Variants in GPC3 observed in about 807,000 individuals in gnomAD.
GPC3 encodes the protein glypican 3, also known as glypican-3.
GPC3 carries 3 observed loss-of-function variants against 34.4 expected under a neutral mutation model. The ratio of observed to expected loss-of-function variants is 0.09; its 90% confidence interval spans 0.04 to 0.23. The LOEUF (loss-of-function observed/expected upper bound fraction) is 0.23. GPC3 is among the 10% of genes least tolerant of loss of function. GPC3 has a pLI of 1.00. For synonymous variants in GPC3, 177 were observed against 174.0 expected (o/e 1.02, Z -0.13); for missense variants, 351 against 445.6 (o/e 0.79, Z 1.91).
chrX:133,744,129 A>AC (rs2071589390), intron 3 of GPC3, among the ~76,000 whole-genome samples: 1 of 112,200 alleles, frequency 8.9e-6, no homozygotes, highest in South Asian at 3.7e-4. Flanking sequence ...TAAAACACCA[A>AC]AAGCAATGAC....
At chrX:133,943,844 G>T (rs2076355460) in intron 2 of GPC3, among the ~76,000 whole-genome samples, 1 of 111,684 alleles carries the variant, frequency 9.0e-6, no homozygotes, top group Non-Finnish European at 1.9e-5. Flanking sequence ...GAGTTATGGG[G>T]CCAGAAGCTG....
At chrX:133,782,167 A>G (rs977243359) in intron 2 of GPC3, among the ~76,000 whole-genome samples, 10 of 111,399 alleles carry the variant, frequency 9.0e-5, no homozygotes, top group African/African-American at 2.6e-4. Flanking sequence ...TGTGGGAGAC[A>G]GAGTGCTAAC....
intron 7 of GPC3, among the ~76,000 whole-genome samples, chrX:133,567,441 G>C (rs182784503): frequency 8.9e-6 from 1 of 112,100 alleles, no homozygotes; most frequent in African/African-American, 3.2e-5. Context: ...GAATATTAAA[G>C]AGCTGCATAT....
chrX:133,641,459 G>T (rs1335770205), intron 6 of GPC3, among the ~76,000 whole-genome samples: 1 of 109,339 alleles, frequency 9.1e-6, no homozygotes, highest in African/African-American at 3.3e-5. Context: ...CTGGGTGACA[G>T]AGCAAGACTG....
intron 2 of GPC3, among the ~76,000 whole-genome samples, chrX:133,864,327 C>T (rs1158146700): frequency 8.9e-6 from 1 of 111,865 alleles, no homozygotes; most frequent in Non-Finnish European, 1.9e-5. Flanking sequence ...TCCCATTTCA[C>T]AGGGATTGAC....
chrX:133,814,134 G>C (rs1263230207), intron 2 of GPC3, among the ~76,000 whole-genome samples: 1 of 111,247 alleles, frequency 9.0e-6, no homozygotes, highest in Non-Finnish European at 1.9e-5. Context: ...TTCGGATGTC[G>C]AGGTCACTGG....
chrX:133,623,251 A>G (rs1032781896), intron 6 of GPC3, among the ~76,000 whole-genome samples: 4 of 112,223 alleles, frequency 3.6e-5, no homozygotes, highest in Non-Finnish European at 7.5e-5. Flanking sequence ...AACTGCATCA[A>G]CTAACGAGCA....
At chrX:133,585,299 G>A (rs1425115958) in intron 7 of GPC3, among the ~76,000 whole-genome samples, 1 of 111,614 alleles carries the variant, frequency 9.0e-6, no homozygotes, top group Non-Finnish European at 1.9e-5. Flanking sequence ...CTTATGGAAA[G>A]TCAACAATTG....
intron 2 of GPC3, among the ~76,000 whole-genome samples, chrX:133,914,701 A>C (rs888344678): frequency 9.1e-6 from 1 of 110,062 alleles, no homozygotes; most frequent in Non-Finnish European, 1.9e-5. Flanking sequence ...TATAGTTAGC[A>C]CTTAGTTAAC....
rs763610753 is a variant in GPC3 at position 133,611,548 on chromosome X, G to A, written c.1414-14949C>T. Among the ~76,000 whole-genome samples, 5 of 111,895 alleles carry A rather than the reference G, an allele frequency of 4.5e-5. No individual in the cohort carries two copies. The South Asian group carries it at 1.5e-3, about 34-fold the overall frequency. ...TATTCCCAAATAATTCCAGTTGAAA[G>A]CATCTTAGGCTTAATCATACTAAAA... On this transcript the variant is annotated intron_variant, in intron 6 of 7. Coordinates refer to ENST00000370818, the MANE Select transcript of GPC3 (RefSeq NM_004484.4).
intron 2 of GPC3, among the ~76,000 whole-genome samples, chrX:133,933,192 A>G (rs757265445): frequency 9.0e-6 from 1 of 110,993 alleles, no homozygotes; most frequent in African/African-American, 3.3e-5. Flanking sequence ...TACAGAGATG[A>G]ACTCAAAACG....
intron 2 of GPC3, among the ~76,000 whole-genome samples, chrX:133,841,867 G>A (rs1357163789): frequency 1.8e-5 from 2 of 111,948 alleles, no homozygotes; most frequent in Non-Finnish European, 3.8e-5. Flanking sequence ...GATGGGCCTG[G>A]CCTCCCAGTC....
rs187180786 is a variant in GPC3 at position 133,794,527 on chromosome X, G to C, written c.338-40351C>G. 6.3e-5 allele frequency among the ~76,000 whole-genome samples: 7 copies of C among 111,938 alleles called. No homozygotes were observed. The Admixed American group carries it at 6.6e-4, about 11-fold the overall frequency. On this transcript the variant is annotated intron_variant, in intron 2 of 7. Transcript: ENST00000370818. ...CACACATTTGGCTTTGGGTGGGGGG[G>C]CACTATTTGTGCCTTTTAGGTTCTC...
chrX:133,745,173 T>C (rs2071601958), intron 3 of GPC3, among the ~76,000 whole-genome samples: 1 of 111,954 alleles, frequency 8.9e-6, no homozygotes, highest in Admixed American at 9.5e-5. Flanking sequence ...AAAAAAGGCA[T>C]TGTTGGCTCC....
rs748152935 is a variant in GPC3 at position 133,985,416 on chromosome X, C to G, written c.34G>C (p.Val12Leu). 2.5e-6 allele frequency: 3 copies of G among 1,180,529 alleles called. No individual in the cohort carries two copies. Among genetic ancestry groups the G allele is most frequent in the Non-Finnish European group, 3.4e-6 (3 of 880,264 alleles). ...AGTVRTACLV[V>L]AMLLSLDFPG... The stretch of plus-strand genomic sequence containing the variant: ...AAGTCCAAGCTGAGCAGCATCGCCA[C>G]CACCAAGCACGCGGTGCGCACGGTC... Residue 12 changes from valine (V) to leucine (L), a missense_variant, in exon 1 of 8, where the codon GTG (valine) becomes CTG (leucine). Transcript: ENST00000370818.
At chrX:133,741,333 T>C (rs995452721) in intron 3 of GPC3, among the ~76,000 whole-genome samples, 2 of 100,234 alleles carry the variant, frequency 2.0e-5, no homozygotes, top group African/African-American at 7.3e-5. Flanking sequence ...TTAATACAAA[T>C]ATGAAGAAAA....
intron 5 of GPC3, 30 bp from the exon 6 acceptor site, chrX:133,661,880 G>C: frequency 8.4e-7 from 1 of 1,195,920 alleles, no homozygotes; most frequent in Non-Finnish European, 1.1e-6. Flanking sequence ...GAAAAGGTTT[G>C]TCAAAGAAAG....
At chrX:133,550,367 C>A (rs1160018523) in intron 7 of GPC3, among the ~76,000 whole-genome samples, 1 of 111,223 alleles carries the variant, frequency 9.0e-6, no homozygotes, top group East Asian at 2.8e-4. Context: ...TTCCAGGAAG[C>A]CTTCCCTTCT....
intron 2 of GPC3, among the ~76,000 whole-genome samples, chrX:133,843,759 C>A (rs1159369158): frequency 9.0e-6 from 1 of 111,295 alleles, no homozygotes; most frequent in East Asian, 2.8e-4. Context: ...CAAATGGTTA[C>A]CTCTCATGAA....
Sources: gnomAD v4.1 joint callset for allele counts (sites outside exome capture counted in the v4.1 genomes callset) on GRCh38, gnomAD v4.1.1 for gene constraint, MANE v1.5 for transcripts, NCBI Gene and HGNC (gene_info 2026-07-23, HGNC 2026-07-21) for gene names.